Variants in POLE observed in about 807,000 individuals in gnomAD.
POLE encodes the protein DNA polymerase epsilon catalytic subunit A.
Under a neutral mutation model 279.2 loss-of-function variants are expected in POLE, and 188 were observed. That is an observed-to-expected ratio of 0.67 (90% CI 0.60 to 0.76). The LOEUF (loss-of-function observed/expected upper bound fraction) is 0.76. Among genes scored for constraint, POLE ranks in the 30% least tolerant of loss-of-function variants. The pLI is 0.00. For missense variants in POLE, 2,703 were observed against 3,016.7 expected (o/e 0.90, Z 2.44); for synonymous variants, 1,214 against 1,172.5 (o/e 1.04, Z -0.72).
chr12:132,656,976 G>A (rs914982431), intron 29 of POLE, among the ~76,000 whole-genome samples, 160 bp downstream of exon 29: 2 of 152,168 alleles, frequency 1.3e-5, no homozygotes, highest in Admixed American at 1.3e-4. Context: ...GTGACACTCA[G>A]AGTTAGAGAG....
At chr12:132,671,935 C>T (rs748526635) in intron 16 of POLE, among the ~76,000 whole-genome samples, 1 of 152,138 alleles carries the variant, frequency 6.6e-6, no homozygotes, top group Non-Finnish European at 1.5e-5. Flanking sequence ...AAATAAAGTC[C>T]TAATGCTTTA....
At position 132,675,572 on chromosome 12, in the gene POLE, T is replaced by C. The variant is rs1178888734; in HGVS notation, c.1107-55A>G. On this transcript the variant is annotated intron_variant, in intron 11 of 48. Coordinates refer to ENST00000320574, the MANE Select transcript of POLE (RefSeq NM_006231.4). This position sits in a 1 kb window ranked among gnomAD's most constrained non-coding sequence, Gnocchi z 4.3. ...TGGGCAGGTCAGGCTCTAATGCCCC[T>C]TTCTCCATTCCTCCCTCAGACCCAG... The C allele has an allele frequency of 3.1e-6, 5 of 1,608,350 alleles. No homozygotes were observed. Among genetic ancestry groups the C allele is most frequent in the Admixed American group, 1.7e-5 (1 of 59,778 alleles).
chr12:132,663,316 A>G (rs1004555220), intron 23 of POLE, among the ~76,000 whole-genome samples: 1 of 152,236 alleles, frequency 6.6e-6, no homozygotes, highest in African/African-American at 2.4e-5. Flanking sequence ...GCAGGAGACT[A>G]AGCCGTCCCC....
intron 21 of POLE, among the ~76,000 whole-genome samples, chr12:132,665,025 C>T (rs992779695): frequency 1.3e-5 from 2 of 152,092 alleles, no homozygotes; most frequent in Admixed American, 1.3e-4. Context: ...GAGACATGAA[C>T]GCGCTGGAAA....
intron 27 of POLE, 49 bp from the exon 28 acceptor site, chr12:132,657,478 A>C: frequency 6.7e-7 from 1 of 1,489,582 alleles, no homozygotes; most frequent in African/African-American, 1.4e-5. Flanking sequence ...GCAGCAGCCA[A>C]GAGTGGGGCT....
Position 132,674,685 on chromosome 12 carries a change from C to T in POLE, c.1226+713G>A, listed in dbSNP as rs192855881. Among the ~76,000 whole-genome samples, 55 of 152,324 alleles carry T rather than the reference C, an allele frequency of 3.6e-4. 1 individual carries two copies. Among genetic ancestry groups the T allele is most frequent in the African/African-American group, 1.2e-3 (51 of 41,574 alleles). On this transcript the variant is annotated intron_variant, in intron 12 of 48. Coordinates refer to ENST00000320574, the MANE Select transcript of POLE (RefSeq NM_006231.4). Reference sequence around the variant, plus strand: ...ACTGTCACACCGTCACACGCTAAACCGGCCCCAGCCTCCTGGCCTCCCTCT... The same window carrying T: ...ACTGTCACACCGTCACACGCTAAACTGGCCCCAGCCTCCTGGCCTCCCTCT...
intron 16 of POLE, among the ~76,000 whole-genome samples, chr12:132,671,900 C>T (rs1297170384): frequency 6.6e-6 from 1 of 152,056 alleles, no homozygotes; most frequent in East Asian, 1.9e-4. Context: ...AATTTAAAAC[C>T]TCCAATGGCT....
chr12:132,655,486 T>G (rs1307044033), intron 29 of POLE, among the ~76,000 whole-genome samples: 3 of 152,248 alleles, frequency 2.0e-5, no homozygotes, highest in Non-Finnish European at 4.4e-5. Flanking sequence ...TTATAGCTAG[T>G]GACTAAATCT....
chr12:132,644,057 C>G (rs1280318377), intron 32 of POLE, 80 bp from the exon 33 acceptor site: 1 of 1,433,382 alleles, frequency 7.0e-7, no homozygotes. Context: ...ACACGCTATT[C>G]GGAGTCCTAG....
rs549525628 is a variant in POLE at position 132,648,916 on chromosome 12, A to G, written c.4149+13T>C. ...CCCAGATGACTGCAGAGGCAGCACCAGCTCCTCCCTACCTTGCGATACGAA... is the reference window on the plus strand; with the variant it reads ...CCCAGATGACTGCAGAGGCAGCACCGGCTCCTCCCTACCTTGCGATACGAA... On this transcript the variant is annotated intron_variant, in intron 32 of 48. Coordinates refer to ENST00000320574, the MANE Select transcript of POLE (RefSeq NM_006231.4). 1 of 1,604,890 alleles carries G rather than the reference A, an allele frequency of 6.2e-7. No homozygotes were observed. The highest frequency in any genetic ancestry group is 1.1e-5 in the South Asian group (1 of 90,264).
At chr12:132,685,573 T>C (rs1224010965) in intron 1 of POLE, among the ~76,000 whole-genome samples, 1 of 152,256 alleles carries the variant, frequency 6.6e-6, no homozygotes, top group Non-Finnish European at 1.5e-5. Flanking sequence ...CTTGTACTTA[T>C]CCCAGCAGCA....
In POLE at chr12:132,673,121, G is replaced by A. The variant is rs144166399; in HGVS notation, c.1473+43C>T. On this transcript the variant is annotated intron_variant, in intron 14 of 48. Coordinates refer to ENST00000320574, the MANE Select transcript of POLE (RefSeq NM_006231.4). ...CTCCAGTGCATTTGGAATGGGGCAA[G>A]GGCTGAGGAGGCCAGGGTGCCGACA... 58 of 1,272,252 alleles carry A rather than the reference G, an allele frequency of 4.6e-5. No individual in the cohort carries two copies. The highest frequency in any genetic ancestry group is 6.0e-5 in the Non-Finnish European group (52 of 868,044). The allele number at this position is 1,272,252 out of a possible 1,614,324, so 78.8% of individuals were successfully genotyped here.
At chr12:132,670,097 C>A (rs910160597) in intron 16 of POLE, among the ~76,000 whole-genome samples, 2 of 151,984 alleles carry the variant, frequency 1.3e-5, no homozygotes, top group African/African-American at 4.8e-5. Context: ...CTAGGTCGGG[C>A]GCGGTGGCTC....
At position 132,680,044 on chromosome 12, in the gene POLE, A is replaced by G. The variant is rs933506354; in HGVS notation, c.333T>C (p.Gly111=). 1.2e-6 allele frequency: 2 copies of G among 1,613,344 alleles called. No homozygotes were observed. The highest frequency in any genetic ancestry group is 1.7e-6 in the Non-Finnish European group (2 of 1,179,510). ...GAAAAGATGAAACTTCTCGCTCACAACCCTAATCAGGATCAGAATGAAAAG... is the reference window on the plus strand; with the variant it reads ...GAAAAGATGAAACTTCTCGCTCACAGCCCTAATCAGGATCAGAATGAAAAG... The part of the protein sequence containing the change: ...KPYFYIATRK[G]CEREVSSFLS... The change falls in exon 5 of 49, where the codon GGT becomes GGC. Residue 111 remains glycine, a splice_region_variant and synonymous_variant. Transcript: ENST00000320574.
In POLE at chr12:132,634,282, A is replaced by G. The variant is rs1258796672; in HGVS notation, c.5908T>C (p.Ser1970Pro). 1 of 1,614,120 alleles carries G rather than the reference A, an allele frequency of 6.2e-7. No homozygotes were observed. Among genetic ancestry groups the G allele is most frequent in the Admixed American group, 1.7e-5 (1 of 60,016 alleles). ...DGEEEEEAEE[S>P]NVEDLLENNW... ...TTTTCCAGTAAATCCTCCACGTTGG[A>G]TTCCTCCGCCTCTTCCTCCTCCTCC... is the stretch of plus-strand genomic sequence containing the variant. Residue 1970 changes from serine to proline, a missense_variant, in exon 43 of 49, where the codon TCC (serine) becomes CCC (proline). Around this residue, in one of 5 missense-constraint regions of POLE, gnomAD observed 1,551 missense variants for 1,686.1 expected, o/e 0.92. Coordinates refer to ENST00000320574, the MANE Select transcript of POLE (RefSeq NM_006231.4). The surrounding 1 kb of genome is among the most constrained non-coding windows in gnomAD (Gnocchi z 4.0).
intron 23 of POLE, 76 bp downstream of exon 23, chr12:132,663,928 G>A: frequency 1.3e-6 from 2 of 1,509,410 alleles, no homozygotes; most frequent in Non-Finnish European, 9.2e-7. Flanking sequence ...ACACTGTGAG[G>A]TGCTGCAGAG....
rs1234413798 is a variant in POLE at position 132,649,059 on chromosome 12, C to T, written c.4019G>A (p.Ser1340Asn). ...PWQIVQISETSQAGLFRLWAL... is the reference protein window; with the variant it reads ...PWQIVQISETNQAGLFRLWAL... ...CCACAGCCTGAACAGGCCGGCCTGG[C>T]TGGTCTCGCTGATCTGAAAGGCCAC... The change falls in exon 32 of 49, where the codon AGC (serine) becomes AAC (asparagine). Residue 1340 changes from serine (S) to asparagine (N), a missense_variant. Ser to Asn is a conservative substitution (Grantham distance 46). Transcript: ENST00000320574. The T allele has an allele frequency of 6.2e-7, 1 of 1,611,924 alleles. No homozygotes were observed. The highest frequency in any genetic ancestry group is 1.1e-5 in the South Asian group (1 of 90,984).
At chr12:132,658,324 A>C in intron 26 of POLE, 1 of 227,984 alleles carries the variant, frequency 4.4e-6, no homozygotes, top group Non-Finnish European at 8.9e-6. Flanking sequence ...GTTCGTAACT[A>C]TGTCTACATG....
Position 132,668,142 on chromosome 12 carries a change from AC to A in POLE, c.2173+213del, listed in dbSNP as rs1263726543. ...GTAGGAACAGGCCAAATACCCCAAG[AC>A]CACAGAGCAGCAGTGTCTAACACTT... On this transcript the variant is annotated intron_variant, in intron 19 of 48. Transcript: ENST00000320574. The surrounding 1 kb of genome is among the most constrained non-coding windows in gnomAD (Gnocchi z 4.0). 3.9e-5 allele frequency among the ~76,000 whole-genome samples: 6 copies of A among 152,168 alleles called. No individual in the cohort carries two copies. Among genetic ancestry groups the A allele is most frequent in the Non-Finnish European group, 1.5e-5 (1 of 68,022 alleles).
Sources: gnomAD v4.1 joint callset for allele counts (sites outside exome capture counted in the v4.1 genomes callset) on GRCh38, gnomAD v4.1.1 for gene constraint, gnomAD v4.1.1 regional missense constraint, Gnocchi (gnomAD v3.1) non-coding constraint, MANE v1.5 for transcripts, NCBI Gene and HGNC (gene_info 2026-07-23, HGNC 2026-07-21) for gene names.